Variants in UPF2 observed in about 807,000 individuals in gnomAD.
The protein encoded by UPF2 is UPF2 regulator of nonsense mediated mRNA decay.
A neutral mutation model predicts 141.4 loss-of-function variants in UPF2; 17 were observed. The ratio of observed to expected loss-of-function variants is 0.12; its 90% CI spans 0.08 to 0.18. The LOEUF (loss-of-function observed/expected upper bound fraction) is 0.18. Among genes scored for constraint, UPF2 ranks in the 10% least tolerant of loss-of-function variants. The pLI is 1.00. For synonymous variants in UPF2, 540 were observed against 498.0 expected (o/e 1.08, Z -1.12); for missense variants, 1,152 against 1,515.9 (o/e 0.76, Z 3.99).
chr10:12,023,046 G>T (rs1026335080), intron 3 of UPF2, among the ~76,000 whole-genome samples: 1 of 152,096 alleles, frequency 6.6e-6, no homozygotes, highest in African/African-American at 2.4e-5. Context: ...GATATTTTGA[G>T]ATTACTCAAA....
chr10:12,035,987 A>C (rs950782936), intron 1 of UPF2: 3 of 152,256 alleles, frequency 2.0e-5, no homozygotes, highest in Admixed American at 6.5e-5. Flanking sequence ...TCATTGCTCT[A>C]ACCTTATCAT....
At chr10:12,032,442 G>A (rs1173639328) in intron 2 of UPF2, among the ~76,000 whole-genome samples, 2 of 152,122 alleles carry the variant, frequency 1.3e-5, no homozygotes, top group Non-Finnish European at 2.9e-5. Flanking sequence ...GGGAAAAAGT[G>A]GGTAATTATT....
At position 11,955,297 on chromosome 10, in the gene UPF2, A is replaced by T; in HGVS notation, c.2785T>A (p.Cys929Ser). ...IRLVCTILDTCGQYFDRGSSK... is the reference protein window; with the variant it reads ...IRLVCTILDTSGQYFDRGSSK... ...GAACCTCTGTCAAAGTACTGGCCAC[A>T]TGTGTCCAGAATAGTGCATACGAGT... is the stretch of plus-strand genomic sequence containing the variant. Residue 929 changes from cysteine (C) to serine (S), a missense_variant, in exon 14 of 22, where the codon TGT becomes AGT. Cys to Ser is a moderately radical substitution (Grantham distance 112). Transcript: ENST00000357604. The T allele has an allele frequency of 1.2e-6, 2 of 1,613,758 alleles. No individual in the cohort carries two copies. Among genetic ancestry groups the T allele is most frequent in the Non-Finnish European group, 1.7e-6 (2 of 1,179,832 alleles).
chr10:11,969,043 G>A (rs571386170), intron 9 of UPF2, among the ~76,000 whole-genome samples: 1 of 151,972 alleles, frequency 6.6e-6, no homozygotes, highest in Non-Finnish European at 1.5e-5. Context: ...TGTATTTTTA[G>A]TAGAGATGGG....
At chr10:11,989,900 G>C (rs184472836) in intron 8 of UPF2, among the ~76,000 whole-genome samples, 433 of 152,214 alleles carry the variant, frequency 2.8e-3, no homozygotes, top group African/African-American at 1.0e-2. Context: ...CAAACCCAGA[G>C]GACTTCGAGA....
At chr10:12,039,661 G>A (rs543925495) in intron 1 of UPF2, among the ~76,000 whole-genome samples, 6 of 140,278 alleles carry the variant, frequency 4.3e-5, no homozygotes, top group South Asian at 2.2e-4. Flanking sequence ...TCACTCTGTC[G>A]CCAGGCTGGA....
intron 4 of UPF2, among the ~76,000 whole-genome samples, chr10:12,013,014 A>G (rs565060403): frequency 6.5e-4 from 99 of 151,478 alleles, no homozygotes; most frequent in African/African-American, 2.2e-3. Flanking sequence ...AGTCCCAGCT[A>G]CTTGGGAGAC....
chr10:11,924,174 AT>A (rs1242386424), intron 21 of UPF2, among the ~76,000 whole-genome samples: 1 of 152,218 alleles, frequency 6.6e-6, no homozygotes, highest in Non-Finnish European at 1.5e-5. Context: ...AATGCCTCTT[AT>A]TTGTTAAAGG....
In UPF2 at chr10:12,019,275, T is replaced by C. The variant is rs1834276373; in HGVS notation, c.1146-5091A>G. On this transcript the variant is annotated intron_variant, in intron 3 of 21. Coordinates refer to ENST00000357604, the MANE Select transcript of UPF2 (RefSeq NM_015542.4). The surrounding 1 kb of genome is among the most constrained non-coding windows in gnomAD (Gnocchi z 4.5). ...ATAACACAAAAGCTGCCACAGACAA[T>C]ATGTAAACAAATGAGGGTGACTGTA... Among the ~76,000 whole-genome samples, 3 of 152,204 alleles carry C rather than the reference T, an allele frequency of 2.0e-5. No individual in the cohort carries two copies. Among genetic ancestry groups the C allele is most frequent in the Admixed American group, 1.3e-4 (2 of 15,282 alleles).
At chr10:12,041,029 C>T (rs1311537637) in intron 1 of UPF2, among the ~76,000 whole-genome samples, 1 of 152,216 alleles carries the variant, frequency 6.6e-6, no homozygotes, top group African/African-American at 2.4e-5. Flanking sequence ...CCAACACTCA[C>T]TACCCAGTGC....
chr10:11,978,172 G>C (rs560156209), intron 9 of UPF2, among the ~76,000 whole-genome samples: 1 of 152,302 alleles, frequency 6.6e-6, no homozygotes, highest in African/African-American at 2.4e-5. Context: ...TCAGAATTGT[G>C]TCTGTTCTTG....
At chr10:12,021,426 C>T (rs1002678710) in intron 3 of UPF2, among the ~76,000 whole-genome samples, 14 of 151,508 alleles carry the variant, frequency 9.2e-5, no homozygotes, top group East Asian at 7.8e-4. Context: ...GTGGTCTCAG[C>T]GACTTGGGAG....
intron 2 of UPF2, among the ~76,000 whole-genome samples, chr10:12,033,650 T>G (rs1242385591): frequency 6.6e-6 from 1 of 152,204 alleles, no homozygotes; most frequent in African/African-American, 2.4e-5. Context: ...AAAGGGTAAG[T>G]TGCCCTCTTA....
At position 12,038,054 on chromosome 10, in the gene UPF2, A is replaced by G. The variant is rs142727629; in HGVS notation, c.-18-2613T>C. Among the ~76,000 whole-genome samples, 1,048 of 152,278 alleles carry G rather than the reference A, an allele frequency of 6.9e-3. 7 individuals are homozygous for G. Among genetic ancestry groups the G allele is most frequent in the Non-Finnish European group, 0.011 (772 of 68,018 alleles). On this transcript the variant is annotated intron_variant, in intron 1 of 21. Coordinates refer to ENST00000357604, the MANE Select transcript of UPF2 (RefSeq NM_015542.4). Reference sequence around the variant, plus strand: ...GTTAACCCCACTGGTAAAACTCACAACAACAACAAAAAAGCTATTGGGCCT... The same window carrying G: ...GTTAACCCCACTGGTAAAACTCACAGCAACAACAAAAAAGCTATTGGGCCT...
intron 21 of UPF2, among the ~76,000 whole-genome samples, chr10:11,923,462 C>G (rs1418996349): frequency 6.6e-6 from 1 of 151,092 alleles, no homozygotes; most frequent in Non-Finnish European, 1.5e-5. Context: ...GAGGGTGGAT[C>G]ATGAGGTCAG....
chr10:11,948,227 G>C, intron 16 of UPF2, 142 bp downstream of exon 16: 1 of 835,402 alleles, frequency 1.2e-6, no homozygotes, highest in South Asian at 2.4e-5. Flanking sequence ...CAACTTGGGC[G>C]ACAGAGCAAG....
chr10:12,003,716 A>G (rs908282937), intron 5 of UPF2, among the ~76,000 whole-genome samples: 1 of 152,128 alleles, frequency 6.6e-6, no homozygotes, highest in African/African-American at 2.4e-5. Flanking sequence ...ACTTGAAGTC[A>G]GGAGTTCAAG....
At position 11,979,105 on chromosome 10, in the gene UPF2, A is replaced by G; in HGVS notation, c.1905T>C (p.Asp635=). The G allele has an allele frequency of 6.2e-7, 1 of 1,613,688 alleles. No individual in the cohort carries two copies. Among genetic ancestry groups the G allele is most frequent in the Non-Finnish European group, 8.5e-7 (1 of 1,179,730 alleles). The change falls in exon 9 of 22, where the codon GAT becomes GAC. Residue 635 remains aspartate, a synonymous_variant. Coordinates refer to ENST00000357604, the MANE Select transcript of UPF2 (RefSeq NM_015542.4). This position sits in a 1 kb window ranked among gnomAD's most constrained non-coding sequence, Gnocchi z 6.2. ...GCATGGAACAAAGATCCTCTGCTACATCAGACATGCAGGGATGCAATGTAG... is the reference window on the plus strand; with the variant it reads ...GCATGGAACAAAGATCCTCTGCTACGTCAGACATGCAGGGATGCAATGTAG... The part of the protein sequence containing the change: ...LVATLHPCMS[D]VAEDLCSMLR...
chr10:12,005,629 C>T (rs937587169), intron 4 of UPF2, among the ~76,000 whole-genome samples: 11 of 152,212 alleles, frequency 7.2e-5, no homozygotes, highest in South Asian at 4.1e-4. Context: ...AGTACAATGG[C>T]GCAACATCAG....
Sources: allele counts gnomAD v4.1 joint callset (sites outside exome capture counted in the v4.1 genomes callset), GRCh38; gene constraint gnomAD v4.1.1; non-coding constraint Gnocchi (gnomAD v3.1); transcripts MANE v1.5; gene names NCBI Gene and HGNC (gene_info 2026-07-23, HGNC 2026-07-21).